AVL9: variants seen among roughly 807,000 people sequenced by gnomAD.
AVL9 encodes late secretory pathway protein AVL9 homolog.
A neutral mutation model predicts 79.2 loss-of-function variants in AVL9; 49 were observed. The observed-to-expected ratio is 0.62, with a 90% CI of 0.49 to 0.79. The LOEUF (loss-of-function observed/expected upper bound fraction) is 0.79. Among genes scored for constraint, AVL9 ranks in the 30% least tolerant of loss-of-function variants. AVL9 has a pLI of 0.00. For missense variants in AVL9, 682 were observed against 776.8 expected, an observed-to-expected ratio of 0.88 and a Z score of 1.45; for synonymous variants, 299 against 280.6, an observed-to-expected ratio of 1.07 and a Z score of -0.65.
Position 32,573,987 on chromosome 7 carries a change from C to T in AVL9, c.1570+569C>T, listed in dbSNP as rs555441355. On this transcript the variant is annotated intron_variant, in intron 12 of 15. Transcript: ENST00000318709. ...CCTGCATTAAAACTATCTCATTCTCCTTGGGAAAGAAATATATAAATAGTG... is the reference window on the plus strand; with the variant it reads ...CCTGCATTAAAACTATCTCATTCTCTTTGGGAAAGAAATATATAAATAGTG... Among the ~76,000 whole-genome samples, 56 of 152,234 alleles carry T rather than the reference C, an allele frequency of 3.7e-4. 1 individual carries two copies. Among genetic ancestry groups the T allele is most frequent in the African/African-American group, 1.3e-3 (54 of 41,552 alleles).
Position 32,583,821 on chromosome 7 carries a change from G to T in AVL9, c.1861G>T (p.Ala621Ser). 1 of 1,613,896 alleles carries T rather than the reference G, an allele frequency of 6.2e-7. No individual in the cohort carries two copies. Among genetic ancestry groups the T allele is most frequent in the South Asian group, 1.1e-5 (1 of 91,074 alleles). Residue 621 changes from alanine (A) to serine (S), a missense_variant, in exon 16 of 16, where the codon GCA becomes TCA. Ala to Ser is a moderately conservative substitution (Grantham distance 99). Transcript: ENST00000318709. The stretch of plus-strand genomic sequence containing the variant: ...GTCAGTTGGAGGAGCTTTTTCCAGT[G>T]CAAAGACAGCTATGTCTTCATGGCT... ...GQSVGGAFSSAKTAMSSWLST... is the reference protein window; with the variant it reads ...GQSVGGAFSSSKTAMSSWLST...
chr7:32,543,078 C>G, intron 1 of AVL9, 63 bp from the exon 2 acceptor site: 1 of 1,595,630 alleles, frequency 6.3e-7, no homozygotes, highest in East Asian at 2.2e-5. Context: ...GCATTTTTAC[C>G]TATCAGAATA....
chr7:32,510,736 A>G (rs1319597410), intron 1 of AVL9, among the ~76,000 whole-genome samples: 263 of 56,538 alleles, frequency 4.7e-3, no homozygotes, highest in Middle Eastern at 0.016. Context: ...TATGAGGGAA[A>G]CCATCTCCCC....
At chr7:32,567,998 G>A (rs1019455811) in intron 10 of AVL9, among the ~76,000 whole-genome samples, 11 of 151,916 alleles carry the variant, frequency 7.2e-5, no homozygotes, top group Non-Finnish European at 2.9e-5. Context: ...GGGATTACAG[G>A]TGTGAGCCAT....
At chr7:32,504,794 C>G (rs1233045623) in intron 1 of AVL9, among the ~76,000 whole-genome samples, 1 of 152,236 alleles carries the variant, frequency 6.6e-6, no homozygotes, top group Non-Finnish European at 1.5e-5. Flanking sequence ...GGTGAAAAAT[C>G]TGTGCATTGA....
intron 1 of AVL9, 132 bp from the exon 2 acceptor site, chr7:32,543,009 A>T (rs915495177): frequency 8.9e-7 from 1 of 1,120,190 alleles, no homozygotes; most frequent in Non-Finnish European, 1.3e-6. Flanking sequence ...TTTGCTGATG[A>T]TATCAAATGA....
intron 1 of AVL9, among the ~76,000 whole-genome samples, chr7:32,504,910 G>A (rs1787337356): frequency 6.6e-6 from 1 of 151,958 alleles, no homozygotes; most frequent in Non-Finnish European, 1.5e-5. Flanking sequence ...GTCTCGCTCT[G>A]TCACCCAGGC....
chr7:32,545,309 G>T (rs369529170), intron 3 of AVL9, among the ~76,000 whole-genome samples: 2 of 147,292 alleles, frequency 1.4e-5, no homozygotes, highest in African/African-American at 2.5e-5. Flanking sequence ...GTAGTGGAAC[G>T]TGCTTAGAGG....
chr7:32,571,987 T>C (rs200975997), intron 11 of AVL9, among the ~76,000 whole-genome samples: 1 of 151,578 alleles, frequency 6.6e-6, no homozygotes, highest in Non-Finnish European at 1.5e-5. Flanking sequence ...CATGGTGAAA[T>C]CCCATCTCTA....
At chr7:32,579,322 TTA>T (rs1205190112) in intron 13 of AVL9, among the ~76,000 whole-genome samples, 9 of 39,774 alleles carry the variant, frequency 2.3e-4, no homozygotes, top group African/African-American at 7.1e-4. Context: ...TATATATATT[TTA>T]TATAATATAT....
Position 32,551,431 on chromosome 7 carries a change from TA to T in AVL9, c.462+9del, listed in dbSNP as rs1325591922. 2.1e-6 allele frequency: 3 copies of T among 1,463,030 alleles called. No homozygotes were observed. The highest frequency in any genetic ancestry group is 2.9e-6 in the Non-Finnish European group (3 of 1,043,326). 90.6% of individuals were successfully genotyped at this position (1,463,030 alleles called of 1,614,324 possible). A position where few individuals can be genotyped will look rare whatever the true frequency, so the allele number is the denominator to read the frequency against. Reference sequence around the variant, plus strand: ...CAAATTTCTATTCTAAAGGTAACTTTATACCCCTCTATAGATGTGTTTGGCT... The same window carrying T: ...CAAATTTCTATTCTAAAGGTAACTTTTACCCCTCTATAGATGTGTTTGGCT... On this transcript the variant is annotated intron_variant, in intron 5 of 15. Transcript: ENST00000318709.
At chr7:32,564,254 T>C (rs1233617312) in intron 10 of AVL9, among the ~76,000 whole-genome samples, 1 of 152,218 alleles carries the variant, frequency 6.6e-6, no homozygotes, top group African/African-American at 2.4e-5. Context: ...CCCTATAAAA[T>C]ATTTGTCTTT....
At position 32,580,244 on chromosome 7, in the gene AVL9, G is replaced by C. The variant is rs370592153; in HGVS notation, c.1714G>C (p.Val572Leu). The C allele has an allele frequency of 6.2e-7, 1 of 1,612,336 alleles. No individual in the cohort carries two copies. The highest frequency in any genetic ancestry group is 8.5e-7 in the Non-Finnish European group (1 of 1,179,336). Residue 572 changes from valine (V) to leucine (L), a missense_variant, in exon 14 of 16, where the codon GTA becomes CTA. Transcript: ENST00000318709. ...PNHPFQGQYS[V>L]SDMKLRFSHS... ...CCATCCATTTCAAGGCCAATACTCA[G>C]TATCAGACATGAAGTTAAGGTTCTC... is the stretch of plus-strand genomic sequence containing the variant.
chr7:32,531,656 G>A (rs1036479619), intron 1 of AVL9: 8 of 152,096 alleles, frequency 5.3e-5, no homozygotes, highest in African/African-American at 1.9e-4. Context: ...TGGAGTGCAC[G>A]AGCACTGGAG....
chr7:32,544,906 G>T, intron 3 of AVL9, 127 bp downstream of exon 3: 1 of 648,394 alleles, frequency 1.5e-6, no homozygotes, highest in East Asian at 2.8e-5. Context: ...ATTTGTAGCT[G>T]TTTTTTCAAT....
chr7:32,544,851 A>G, intron 3 of AVL9, 72 bp downstream of exon 3: 6 of 1,091,158 alleles, frequency 5.5e-6, no homozygotes, highest in South Asian at 2.9e-5. Flanking sequence ...CACAGTCTTT[A>G]TTTTTCAGTG....
intron 1 of AVL9, among the ~76,000 whole-genome samples, chr7:32,511,620 G>A (rs1319629416): frequency 2.0e-5 from 3 of 152,010 alleles, no homozygotes; most frequent in Admixed American, 6.6e-5. Flanking sequence ...GGTGGCATAC[G>A]GACGCTCTGG....
At chr7:32,544,414 A>C (rs770794810) in intron 2 of AVL9, among the ~76,000 whole-genome samples, 16 of 152,162 alleles carry the variant, frequency 1.1e-4, no homozygotes, top group Non-Finnish European at 1.6e-4. Context: ...CTTTTCATCT[A>C]GAACGATTCC....
chr7:32,517,776 A>G (rs1787968767), intron 1 of AVL9, among the ~76,000 whole-genome samples: 1 of 151,620 alleles, frequency 6.6e-6, no homozygotes, highest in South Asian at 2.1e-4. Flanking sequence ...TTAAACTATA[A>G]ACCCAGCCCA....
Sources: gnomAD v4.1 joint callset for allele counts (sites outside exome capture counted in the v4.1 genomes callset) on GRCh38, gnomAD v4.1.1 for gene constraint, MANE v1.5 for transcripts, NCBI Gene and HGNC (gene_info 2026-07-23, HGNC 2026-07-21) for gene names.